PPM1H: variants seen among roughly 807,000 people sequenced by gnomAD.
PPM1H encodes protein phosphatase, Mg2+/Mn2+ dependent 1H, also known as protein phosphatase 1H.
Under a neutral mutation model 54.9 loss-of-function variants are expected in PPM1H, and 27 were observed. That is an observed-to-expected ratio of 0.49 (90% confidence interval 0.36 to 0.68). The LOEUF (loss-of-function observed/expected upper bound fraction) is 0.68. Ranked by LOEUF, PPM1H falls within the 30% of genes least tolerant of loss-of-function variation. The pLI, the probability that PPM1H is intolerant of heterozygous loss-of-function variation, is 0.00. For missense variants in PPM1H, 596 were observed against 667.8 expected (o/e 0.89, Z 1.19); for synonymous variants, 305 against 270.8 (o/e 1.13, Z -1.24).
At chr12:62,798,026 TA>T (rs1348785058) in intron 3 of PPM1H, among the ~76,000 whole-genome samples, 1 of 152,078 alleles carries the variant, frequency 6.6e-6, no homozygotes, top group African/African-American at 2.4e-5. Flanking sequence ...TCTCACTTAA[TA>T]AGGCCAACCA....
At chr12:62,905,815 C>A (rs543455848) in intron 1 of PPM1H, among the ~76,000 whole-genome samples, 1 of 152,116 alleles carries the variant, frequency 6.6e-6, no homozygotes, top group East Asian at 1.9e-4. Context: ...GAGATAATAC[C>A]CCTTCCATGT....
intron 2 of PPM1H, among the ~76,000 whole-genome samples, chr12:62,814,102 C>A (rs1301874819): frequency 6.6e-6 from 1 of 151,832 alleles, no homozygotes; most frequent in African/African-American, 2.4e-5. Context: ...TTCTAAGAGA[C>A]AAGGTCTTGC....
intron 3 of PPM1H, among the ~76,000 whole-genome samples, chr12:62,800,415 C>A (rs1402485512): frequency 6.6e-6 from 1 of 151,986 alleles, no homozygotes; most frequent in Non-Finnish European, 1.5e-5. Flanking sequence ...CAGCTCACTG[C>A]AACCTCTGCC....
intron 2 of PPM1H, among the ~76,000 whole-genome samples, chr12:62,806,748 T>C (rs2076807911): frequency 6.6e-6 from 1 of 152,228 alleles, no homozygotes; most frequent in African/African-American, 2.4e-5. Flanking sequence ...CCATGCTTCC[T>C]GTACAGCCTG....
At chr12:62,653,511 G>C (rs1283479438) in intron 9 of PPM1H, among the ~76,000 whole-genome samples, 1 of 152,190 alleles carries the variant, frequency 6.6e-6, no homozygotes, top group African/African-American at 2.4e-5. Flanking sequence ...CTGACCTTAT[G>C]ATTCTATTTG....
At chr12:62,932,628 C>CTTTTTTTTTT (rs61003358) in intron 1 of PPM1H, among the ~76,000 whole-genome samples, 1,509 of 53,998 alleles carry the variant, frequency 0.028, 409 homozygotes, top group African/African-American at 0.063. Context: ...TCCAAATGGG[C>CTTTTTTTTTT]TTTTTTTTTT....
At chr12:62,919,075 C>T (rs1871711161) in intron 1 of PPM1H, among the ~76,000 whole-genome samples, 1 of 152,200 alleles carries the variant, frequency 6.6e-6, no homozygotes, top group African/African-American at 2.4e-5. Flanking sequence ...AAGGGTCAAA[C>T]TCTGCTAGAA....
At chr12:62,821,362 A>G (rs998932491) in intron 2 of PPM1H, among the ~76,000 whole-genome samples, 2 of 152,250 alleles carry the variant, frequency 1.3e-5, no homozygotes, top group African/African-American at 4.8e-5. Context: ...GATATGATCC[A>G]GGAGAACTTC....
At chr12:62,733,762 A>G (rs77046511) in intron 5 of PPM1H, among the ~76,000 whole-genome samples, 1,689 of 152,328 alleles carry the variant, frequency 0.011, 40 homozygotes, top group African/African-American at 0.039. Flanking sequence ...AAGGATTAAA[A>G]AGGATATGGG....
intron 8 of PPM1H, among the ~76,000 whole-genome samples, chr12:62,671,253 G>T (rs960535631): frequency 6.6e-6 from 1 of 152,182 alleles, no homozygotes; most frequent in Non-Finnish European, 1.5e-5. Context: ...CCCTGGAGGG[G>T]ACAGGTGTGC....
intron 2 of PPM1H, among the ~76,000 whole-genome samples, chr12:62,818,110 T>C (rs1014633011): frequency 2.0e-5 from 3 of 152,068 alleles, no homozygotes; most frequent in African/African-American, 7.2e-5. Flanking sequence ...GGCAAAAAAA[T>C]TTCCTGGTTA....
chr12:62,655,901 A>G (rs950381592), intron 9 of PPM1H, among the ~76,000 whole-genome samples: 1 of 152,242 alleles, frequency 6.6e-6, no homozygotes, highest in East Asian at 1.9e-4. Context: ...AATATTTATC[A>G]GCAAAGCTCT....
chr12:62,795,087 G>A (rs1666549041), intron 3 of PPM1H, among the ~76,000 whole-genome samples: 1 of 152,074 alleles, frequency 6.6e-6, no homozygotes, highest in Non-Finnish European at 1.5e-5. Context: ...GTGGTCATAG[G>A]TCACCTTCAC....
chr12:62,918,374 G>A (rs941059489), intron 1 of PPM1H, among the ~76,000 whole-genome samples: 2 of 152,206 alleles, frequency 1.3e-5, no homozygotes, highest in African/African-American at 4.8e-5. Context: ...GACATGTGAA[G>A]CATACAGTAA....
At chr12:62,926,176 TGGA>T (rs993299714) in intron 1 of PPM1H, among the ~76,000 whole-genome samples, 3 of 152,196 alleles carry the variant, frequency 2.0e-5, no homozygotes, top group Non-Finnish European at 4.4e-5. Flanking sequence ...GTTGGTGGCA[TGGA>T]GAAGTCACCC....
chr12:62,792,589 G>C (rs2076706896), intron 3 of PPM1H, among the ~76,000 whole-genome samples: 1 of 152,176 alleles, frequency 6.6e-6, no homozygotes, highest in Admixed American at 6.5e-5. Context: ...ATCATGGTGG[G>C]AAGGATTTGA....
At chr12:62,767,828 G>A (rs2076553252) in intron 4 of PPM1H, among the ~76,000 whole-genome samples, 1 of 152,180 alleles carries the variant, frequency 6.6e-6, no homozygotes, top group Middle Eastern at 3.2e-3. Flanking sequence ...GGTGATTCCA[G>A]GAAATCCTTG....
chr12:62,866,197 C>T (rs1024844782), intron 1 of PPM1H, among the ~76,000 whole-genome samples: 3 of 152,066 alleles, frequency 2.0e-5, no homozygotes, highest in Admixed American at 6.5e-5. Context: ...CAGGGCTCCC[C>T]GACCCTGTCC....
chr12:62,649,198 TG>T lies in PPM1H; in HGVS notation c.1398-563del, dbSNP rs1361088537. ...CATATAGCAAGAATGTGAAGTTTTT[TG>T]GTTTTTTTTTTTAATTTATTTAATT... On this transcript the variant is annotated intron_variant, in intron 9 of 9. Transcript: ENST00000228705. 4.2e-3 allele frequency among the ~76,000 whole-genome samples: 442 copies of T among 105,354 alleles called. 2 individuals carry two copies. Among genetic ancestry groups the T allele is most frequent in the African/African-American group, 0.014 (391 of 28,244 alleles). The allele number at this position is 105,354 out of a possible 152,430, so 69.1% of individuals were successfully genotyped here.
Sources: gnomAD v4.1 joint callset for allele counts (sites outside exome capture counted in the v4.1 genomes callset) on GRCh38, gnomAD v4.1.1 for gene constraint, MANE v1.5 for transcripts, NCBI Gene and HGNC (gene_info 2026-07-23, HGNC 2026-07-21) for gene names.